The following SLIT2 variants were observed in gnomAD, a reference collection of about 807,000 sequenced individuals.
SLIT2 encodes the protein slit guidance ligand 2.
In SLIT2, 41 loss-of-function variants were observed where a neutral mutation model predicts 185.7. The ratio of observed to expected loss-of-function variants is 0.22; its 90% CI spans 0.17 to 0.29. SLIT2 has a LOEUF of 0.29. Among genes scored for constraint, SLIT2 ranks in the 10% least tolerant of loss-of-function variants. SLIT2 has a pLI of 1.00. For synonymous variants in SLIT2, 693 were observed against 680.2 expected (o/e 1.02, Z -0.29); for missense variants, 1,571 against 1,909.0 (o/e 0.82, Z 3.30).
chr4:20,348,114 G>T (rs1721576744), intron 4 of SLIT2, among the ~76,000 whole-genome samples: 1 of 152,156 alleles, frequency 6.6e-6, no homozygotes, highest in Non-Finnish European at 1.5e-5. Flanking sequence ...ATTTATTTTT[G>T]TATTTGACTA....
chr4:20,406,785 A>G lies in SLIT2; in HGVS notation c.396-60967A>G, dbSNP rs1285058316. Among the ~76,000 whole-genome samples the G allele has an allele frequency of 6.4e-5, 9 of 141,606 alleles. 1 individual carries two copies. Among genetic ancestry groups the G allele is most frequent in the Non-Finnish European group, 1.4e-4 (9 of 63,430 alleles). The allele number at this position is 141,606 out of a possible 152,430, so 92.9% of individuals were successfully genotyped here. A position where few individuals can be genotyped will look rare whatever the true frequency, so the allele number is the denominator to read the frequency against. On this transcript the variant is annotated intron_variant, in intron 4 of 36. Coordinates refer to ENST00000504154, the MANE Select transcript of SLIT2 (RefSeq NM_004787.4). ...CTAAAATTAAACTTATTCATTCCCTATGGTCTAGCAATGCCACTTCTAGGT... is the reference window on the plus strand; with the variant it reads ...CTAAAATTAAACTTATTCATTCCCTGTGGTCTAGCAATGCCACTTCTAGGT...
rs35710842 is a variant in SLIT2, at chr4:20,536,558, CAA to C, written c.1832+2863_1833-2862del. On this transcript the variant is annotated intron_variant, in intron 18 of 36. Transcript: ENST00000504154. The stretch of plus-strand genomic sequence containing the variant: ...GGGTGACAAGAGTGAAACTCTGTCG[CAA>C]AAAAAAAAAAAAAAAAAAACAAAAA... 4.8e-3 allele frequency among the ~76,000 whole-genome samples: 364 copies of C among 75,850 alleles called. No homozygotes were observed. In the South Asian group the frequency reaches 0.072, roughly 15 times the overall value. The allele number at this position is 75,850 out of a possible 152,430, so 49.8% of individuals were successfully genotyped here.
chr4:20,409,555 A>G (rs1727040793), intron 4 of SLIT2, among the ~76,000 whole-genome samples: 2 of 152,220 alleles, frequency 1.3e-5, no homozygotes, highest in African/African-American at 4.8e-5. Context: ...TCTTTATAAT[A>G]GAATGATTTA....
At chr4:20,263,222 A>G (rs1413860904) in intron 3 of SLIT2, among the ~76,000 whole-genome samples, 2 of 151,738 alleles carry the variant, frequency 1.3e-5, no homozygotes, top group African/African-American at 2.4e-5. Flanking sequence ...ATATATTGCC[A>G]TTATGTTTTT....
intron 4 of SLIT2, among the ~76,000 whole-genome samples, chr4:20,332,031 A>T (rs1720104808): frequency 6.6e-6 from 1 of 152,156 alleles, no homozygotes; most frequent in Non-Finnish European, 1.5e-5. Flanking sequence ...CCAGTTAATG[A>T]TCATTTGGGT....
chr4:20,346,806 T>C (rs1420808297), intron 4 of SLIT2, among the ~76,000 whole-genome samples: 1 of 152,174 alleles, frequency 6.6e-6, no homozygotes, highest in Non-Finnish European at 1.5e-5. Context: ...TGGAGTCTGA[T>C]ATTCGAGGGC....
At chr4:20,492,405 A>G (rs1395043847) in intron 9 of SLIT2, among the ~76,000 whole-genome samples, 1 of 152,256 alleles carries the variant, frequency 6.6e-6, no homozygotes, top group Non-Finnish European at 1.5e-5. Context: ...TATATAGTGC[A>G]TGTTTTAGCC....
At chr4:20,582,027 G>A (rs558624751) in intron 29 of SLIT2, among the ~76,000 whole-genome samples, 4 of 152,298 alleles carry the variant, frequency 2.6e-5, no homozygotes, top group South Asian at 4.1e-4. Context: ...GATTACAGGC[G>A]TGAGCCACTG....
At chr4:20,396,666 G>A (rs937341390) in intron 4 of SLIT2, among the ~76,000 whole-genome samples, 2 of 151,278 alleles carry the variant, frequency 1.3e-5, no homozygotes, top group Non-Finnish European at 3.0e-5. Flanking sequence ...TCTTCATTGC[G>A]ATACTCATAG....
intron 4 of SLIT2, among the ~76,000 whole-genome samples, chr4:20,462,122 A>G (rs939155375): frequency 1.3e-5 from 2 of 151,298 alleles, no homozygotes; most frequent in Non-Finnish European, 3.0e-5. Flanking sequence ...TATCTTTCCA[A>G]TCGGTCAAAT....
chr4:20,580,328 G>C (rs957517529), intron 29 of SLIT2, among the ~76,000 whole-genome samples: 1 of 151,480 alleles, frequency 6.6e-6, no homozygotes, highest in African/African-American at 2.4e-5. Context: ...ATGAGCCACT[G>C]TGCCCGGTTG....
chr4:20,451,455 C>A (rs1712465483), intron 4 of SLIT2, among the ~76,000 whole-genome samples: 1 of 152,122 alleles, frequency 6.6e-6, no homozygotes, highest in African/African-American at 2.4e-5. Context: ...ATATTGAATT[C>A]TTTTAAGATA....
intron 4 of SLIT2, among the ~76,000 whole-genome samples, chr4:20,436,558 G>T (rs192461782): frequency 3.2e-4 from 49 of 152,202 alleles, no homozygotes; most frequent in African/African-American, 1.2e-3. Flanking sequence ...ATTTGTCTTC[G>T]ATTTTATCAA....
chr4:20,274,779 G>A (rs1355572602), intron 4 of SLIT2, among the ~76,000 whole-genome samples: 2 of 150,186 alleles, frequency 1.3e-5, no homozygotes, highest in Non-Finnish European at 3.0e-5. Flanking sequence ...TTATTTAAAC[G>A]ACTGCTTTCA....
intron 4 of SLIT2, among the ~76,000 whole-genome samples, chr4:20,406,821 C>A (rs1183979356): frequency 9.1e-6 from 1 of 109,772 alleles, no homozygotes; most frequent in African/African-American, 2.6e-5. Flanking sequence ...ATACAGTGAA[C>A]AAAAGCATCA....
At chr4:20,500,815 C>T (rs1035686941) in intron 9 of SLIT2, among the ~76,000 whole-genome samples, 3 of 152,044 alleles carry the variant, frequency 2.0e-5, no homozygotes, top group Admixed American at 1.3e-4. Context: ...ATTAGAATTG[C>T]GTTCTCAAAT....
At chr4:20,370,066 T>C (rs1398125707) in intron 4 of SLIT2, among the ~76,000 whole-genome samples, 2 of 152,054 alleles carry the variant, frequency 1.3e-5, no homozygotes, top group East Asian at 1.9e-4. Context: ...CTGAATAAGA[T>C]TGTCAGAGGG....
chr4:20,474,307 A>C (rs1172625697), intron 5 of SLIT2, among the ~76,000 whole-genome samples: 1 of 152,048 alleles, frequency 6.6e-6, no homozygotes, highest in Non-Finnish European at 1.5e-5. Flanking sequence ...CATCAGTACT[A>C]TGGGAACTGT....
intron 33 of SLIT2, among the ~76,000 whole-genome samples, chr4:20,605,711 A>ATTTTATTTTATTTTATTT (rs560064813): frequency 1.8e-4 from 24 of 131,840 alleles, no homozygotes; most frequent in Non-Finnish European, 3.0e-4. Context: ...ATTTTATTTT[A>ATTTTATTTTATTTTATTT]TATTTTATTT....
Sources: allele counts gnomAD v4.1 joint callset (sites outside exome capture counted in the v4.1 genomes callset), GRCh38; gene constraint gnomAD v4.1.1; transcripts MANE v1.5; gene names NCBI Gene and HGNC (gene_info 2026-07-23, HGNC 2026-07-21).